AXIN1: variants seen among roughly 807,000 people sequenced by gnomAD.
AXIN1 encodes the protein axin-1.
AXIN1 carries 30 observed loss-of-function variants against 76.4 expected under a neutral mutation model. The ratio of observed to expected loss-of-function variants is 0.39; its 90% confidence interval spans 0.29 to 0.53. The LOEUF (loss-of-function observed/expected upper bound fraction) is 0.53, where lower values mean the gene tolerates loss of function less well. AXIN1 is among the 20% of genes least tolerant of loss of function. The probability of loss-of-function intolerance (pLI) is 0.66; values close to 1 mark genes in which losing one functional copy is unlikely to be tolerated. For missense variants in AXIN1, 1,140 were observed against 1,198.8 expected (o/e 0.95, Z 0.72); for synonymous variants, 545 against 501.4 (o/e 1.09, Z -1.16).
rs1188426932 is a variant in AXIN1, at chr16:352,472, G to A, written c.-185C>T. 4.7e-5 allele frequency: 45 copies of A among 959,440 alleles called. No homozygotes were observed. In the South Asian group the frequency reaches 2.0e-3, roughly 43 times the overall value. The allele number at this position is 959,440 out of a possible 1,614,324, so 59.4% of individuals were successfully genotyped here. On this transcript the variant is annotated 5_prime_UTR_variant, in exon 1 of 11. Coordinates refer to ENST00000262320, the MANE Select transcript of AXIN1 (RefSeq NM_003502.4). ...AGCGCGGCGGGCGGGACCCGGCGGG[G>A]GCGCGGCCCGGGGCGGCCCCCATCT...
chr16:293,221 T>G lies in AXIN1; in HGVS notation c.2186+267A>C. 1.9e-6 allele frequency: 1 copy of G among 536,698 alleles called. No individual in the cohort carries two copies. The highest frequency in any genetic ancestry group is 5.0e-4 in the Middle Eastern group (1 of 2,016). The allele number at this position is 536,698 out of a possible 1,614,324, so 33.2% of individuals were successfully genotyped here. ...CCTGCAGCCTCCCTGCAGACTGGGC[T>G]CAGGTTGAGGAGGGACCCCGCCTCC... On this transcript the variant is annotated intron_variant, in intron 8 of 10. Coordinates refer to ENST00000262320, the MANE Select transcript of AXIN1 (RefSeq NM_003502.4). This position sits in a 1 kb window ranked among gnomAD's most constrained non-coding sequence, Gnocchi z 4.6.
At chr16:303,908 C>A (rs2052943574) in intron 5 of AXIN1, among the ~76,000 whole-genome samples, 1 of 152,246 alleles carries the variant, frequency 6.6e-6, no homozygotes, top group Admixed American at 6.5e-5. Context: ...CGACTGCACG[C>A]CACTAGCCCT....
intron 5 of AXIN1, among the ~76,000 whole-genome samples, chr16:301,785 CACA>C (rs960688045): frequency 9.9e-5 from 15 of 152,282 alleles, no homozygotes; most frequent in African/African-American, 3.1e-4. Flanking sequence ...CGGCGACCGA[CACA>C]ACAACAAAAC....
intron 9 of AXIN1, chr16:289,882 C>T: frequency 3.6e-6 from 2 of 554,644 alleles, no homozygotes; most frequent in Non-Finnish European, 6.5e-6. Context: ...CTGCCAGGTG[C>T]ACTGCAGCTC....
chr16:303,071 A>C (rs769105678), intron 5 of AXIN1, among the ~76,000 whole-genome samples: 2 of 152,238 alleles, frequency 1.3e-5, no homozygotes, highest in Admixed American at 6.5e-5. Context: ...CACATTGCCC[A>C]GGCTGGGCTC....
intron 2 of AXIN1, among the ~76,000 whole-genome samples, chr16:334,060 C>T (rs1488804581): frequency 6.6e-6 from 1 of 150,764 alleles, no homozygotes; most frequent in African/African-American, 2.5e-5. Context: ...GCCCATAACA[C>T]AGCACCCAGT....
At chr16:326,009 C>T (rs2053571848) in intron 2 of AXIN1, among the ~76,000 whole-genome samples, 1 of 152,026 alleles carries the variant, frequency 6.6e-6, no homozygotes, top group African/African-American at 2.4e-5. Context: ...TCTGTTTTAG[C>T]AATACTGACA....
chr16:319,739 C>T (rs1272328996), intron 2 of AXIN1, among the ~76,000 whole-genome samples: 2 of 152,234 alleles, frequency 1.3e-5, no homozygotes, highest in Admixed American at 1.3e-4. Flanking sequence ...GTACTTTCAT[C>T]TTCCGTCTTT....
intron 4 of AXIN1, among the ~76,000 whole-genome samples, chr16:308,183 C>T (rs879806538): frequency 2.0e-5 from 3 of 152,198 alleles, no homozygotes; most frequent in African/African-American, 4.8e-5. Flanking sequence ...ATCTTCCTGG[C>T]GACTCAAATG....
At chr16:326,667 A>G (rs570895760) in intron 2 of AXIN1, among the ~76,000 whole-genome samples, 25 of 150,790 alleles carry the variant, frequency 1.7e-4, no homozygotes, top group African/African-American at 5.9e-4. Flanking sequence ...AATCACTTGA[A>G]CCTGGGAGGC....
rs2141467831 is a variant in AXIN1, at chr16:289,505, C to G, written c.2397G>C (p.Leu799=). 2.5e-6 allele frequency: 4 copies of G among 1,612,978 alleles called. No individual in the cohort carries two copies. In the South Asian group the frequency reaches 4.4e-5, roughly 18 times the overall value. ...CCAGGGTGACAGCGCGGCCCCTCAC[C>G]AGGGTGCGGTAGGGGATGGGTTCCC... ...FCGEPIPYRT[L]VRGRAVTLGQ... Residue 799 remains leucine, a synonymous_variant, in exon 10 of 11, where the codon CTG becomes CTC. Coordinates refer to ENST00000262320, the MANE Select transcript of AXIN1 (RefSeq NM_003502.4).
At chr16:288,392 C>T in intron 10 of AXIN1, 144 bp from the exon 11 acceptor site, 1 of 1,222,592 alleles carries the variant, frequency 8.2e-7, no homozygotes, top group Non-Finnish European at 1.2e-6. Context: ...TGCGCCCCCT[C>T]CCAGGGCAAC....
chr16:341,526 C>T (rs948954251), intron 2 of AXIN1, among the ~76,000 whole-genome samples: 4 of 152,256 alleles, frequency 2.6e-5, no homozygotes, highest in African/African-American at 9.6e-5. Flanking sequence ...AGCTGCAGCC[C>T]GCCATGCCTA....
intron 2 of AXIN1, among the ~76,000 whole-genome samples, chr16:327,843 T>G (rs2053615458): frequency 6.6e-6 from 1 of 152,238 alleles, no homozygotes; most frequent in African/African-American, 2.4e-5. Flanking sequence ...AAGCCCTCAC[T>G]ACAGCCTAGC....
chr16:297,805 T>C lies in AXIN1; in HGVS notation c.1701A>G (p.Glu567=), dbSNP rs777510258. Reference sequence around the variant, plus strand: ...GGGACCTTGCCCCATGGCTGTGTGGTTCCAGGCCCCAGGCGAAGCTGCTCT... The same window carrying C: ...GGGACCTTGCCCCATGGCTGTGTGGCTCCAGGCCCCAGGCGAAGCTGCTCT... The part of the protein sequence containing the change: ...RAQSSFAWGL[E]PHSHGARSRG... Residue 567 remains glutamate, a synonymous_variant, in exon 6 of 11, where the codon GAA becomes GAG. Coordinates refer to ENST00000262320, the MANE Select transcript of AXIN1 (RefSeq NM_003502.4). 3.8e-6 allele frequency: 6 copies of C among 1,565,834 alleles called. No individual in the cohort carries two copies. The Admixed American group carries it at 7.2e-5, about 19-fold the overall frequency.
chr16:347,368 A>C (rs2054053842), intron 1 of AXIN1, among the ~76,000 whole-genome samples: 1 of 152,218 alleles, frequency 6.6e-6, no homozygotes. Flanking sequence ...ACTCCCCACA[A>C]GTCTCACTGC....
chr16:297,286 C>G, intron 6 of AXIN1, 60 bp from the exon 7 acceptor site: 1 of 1,594,496 alleles, frequency 6.3e-7, no homozygotes, highest in Non-Finnish European at 8.5e-7. Context: ...GTGCCCCTTC[C>G]TCGTCTGCGA....
At chr16:326,394 T>TATATATATATATACACAC (rs144093618) in intron 2 of AXIN1, among the ~76,000 whole-genome samples, 108 of 119,574 alleles carry the variant, frequency 9.0e-4, no homozygotes, top group Non-Finnish European at 1.5e-3. Context: ...TATATATATA[T>TATATATATATATACACAC]ACACACCTAT....
At chr16:289,388 T>TGGGCACCCACATACTCGTGCG in intron 10 of AXIN1, 52 bp downstream of exon 10, 1 of 1,607,710 alleles carries the variant, frequency 6.2e-7, no homozygotes, top group South Asian at 1.1e-5. Flanking sequence ...TTCATACCGT[T>TGGGCACCCACATACTCGTGCG]GGGCACCCAC....
Sources: allele counts gnomAD v4.1 joint callset (sites outside exome capture counted in the v4.1 genomes callset), GRCh38; gene constraint gnomAD v4.1.1; non-coding constraint Gnocchi (gnomAD v3.1); transcripts MANE v1.5; gene names NCBI Gene and HGNC (gene_info 2026-07-23, HGNC 2026-07-21).